The following CSMD1 variants were observed in gnomAD, a reference collection of about 807,000 sequenced individuals.
CSMD1 encodes CUB and Sushi multiple domains 1.
A neutral mutation model predicts 417.5 loss-of-function variants in CSMD1; 213 were observed. The observed-to-expected ratio is 0.51, with a 90% CI of 0.46 to 0.57. The LOEUF is 0.57. CSMD1 is among the 20% of genes least tolerant of loss of function. CSMD1 has a pLI of 0.00. For synonymous variants in CSMD1, 2,862 were observed against 1,736.8 expected, an observed-to-expected ratio of 1.65 and a Z score of -16.11; for missense variants, 6,923 against 4,529.7, an observed-to-expected ratio of 1.53 and a Z score of -15.17.
chr8:3,817,513 T>C (rs1281272675), intron 5 of CSMD1, among the ~76,000 whole-genome samples: 1 of 151,904 alleles, frequency 6.6e-6, no homozygotes, highest in Non-Finnish European at 1.5e-5. Context: ...TCTCCTGACC[T>C]TGTGATCCAC....
chr8:3,917,697 G>C lies in CSMD1; in HGVS notation c.818+80206C>G, dbSNP rs17067982. Reference sequence around the variant, plus strand: ...CACATGTAATGCCATGAACTAGATTGTTTTGGAGATACGTATATATCCAAG... The same window carrying C: ...CACATGTAATGCCATGAACTAGATTCTTTTGGAGATACGTATATATCCAAG... On this transcript the variant is annotated intron_variant, in intron 5 of 69. Coordinates refer to ENST00000635120, the MANE Select transcript of CSMD1 (RefSeq NM_033225.6). 3.9e-3 allele frequency among the ~76,000 whole-genome samples: 599 copies of C among 152,176 alleles called. 5 individuals carry two copies. Among genetic ancestry groups the C allele is most frequent in the African/African-American group, 0.014 (577 of 41,516 alleles).
At position 4,591,448 on chromosome 8, in the gene CSMD1, G is replaced by C. The variant is rs141924232; in HGVS notation, c.302+45894C>G. ...CCAAACAGAAATGAGCAAAGCTGTT[G>C]AGCAAAAGCAAATGAGCAGAGCTAT... On this transcript the variant is annotated intron_variant, in intron 2 of 69. Transcript: ENST00000635120. Among the ~76,000 whole-genome samples, 1,138 of 152,302 alleles carry C rather than the reference G, an allele frequency of 7.5e-3. 14 individuals are homozygous for C. The highest frequency in any genetic ancestry group is 0.026 in the African/African-American group (1,085 of 41,558).
intron 3 of CSMD1, among the ~76,000 whole-genome samples, chr8:4,163,573 G>C (rs948919675): frequency 2.0e-5 from 3 of 152,106 alleles, no homozygotes; most frequent in Non-Finnish European, 2.9e-5. Context: ...ATTAAATCTA[G>C]CTAGATAAAA....
intron 3 of CSMD1, among the ~76,000 whole-genome samples, chr8:4,320,768 T>A (rs1799226922): frequency 6.6e-6 from 1 of 152,182 alleles, no homozygotes; most frequent in African/African-American, 2.4e-5. Flanking sequence ...TGACGGGCAT[T>A]TGGATTGGTG....
intron 23 of CSMD1, among the ~76,000 whole-genome samples, chr8:3,320,756 G>A (rs1223978775): frequency 6.6e-6 from 1 of 152,264 alleles, no homozygotes; most frequent in African/African-American, 2.4e-5. Flanking sequence ...GCTTGCAGGT[G>A]CCAGCCCATC....
At chr8:4,209,997 C>G (rs1031853669) in intron 3 of CSMD1, among the ~76,000 whole-genome samples, 1 of 152,198 alleles carries the variant, frequency 6.6e-6, no homozygotes, top group Non-Finnish European at 1.5e-5. Context: ...AAGGCTGCTT[C>G]TGCCCCAGAT....
Position 3,377,267 on chromosome 8 carries a change from CT to C in CSMD1, c.2783-7898del. 1.3e-5 allele frequency among the ~76,000 whole-genome samples: 2 copies of C among 152,290 alleles called. 1 individual carries two copies. The highest frequency in any genetic ancestry group is 6.8e-3 in the Middle Eastern group (2 of 294). ...GCCTCAGCAATCTATCTACCTCAGCCTCCCAATGTGCTAGGATTACAGGCAT... is the reference window on the plus strand; with the variant it reads ...GCCTCAGCAATCTATCTACCTCAGCCCCCAATGTGCTAGGATTACAGGCAT... On this transcript the variant is annotated intron_variant, in intron 18 of 69. Transcript: ENST00000635120.
At position 3,142,512 on chromosome 8, in the gene CSMD1, T is replaced by A. The variant is rs1248060834; in HGVS notation, c.6194A>T (p.Tyr2065Phe). 1.2e-6 allele frequency: 2 copies of A among 1,613,986 alleles called. No individual in the cohort carries two copies. The highest frequency in any genetic ancestry group is 1.1e-5 in the South Asian group (1 of 91,086). Residue 2065 changes from tyrosine to phenylalanine, a missense_variant, in exon 41 of 70, where the codon TAT becomes TTT. Physicochemically the swap from Tyr to Phe is conservative, Grantham distance 22. Transcript: ENST00000635120. The stretch of plus-strand genomic sequence containing the variant: ...TTGCCGGTTTTGCGAATGGTCACTA[T>A]AAAAGTGGATGAGGGTTTCATGCGT... ...STTHETLIHF[Y>F]SDHSQNRQGF...
chr8:3,420,745 G>C (rs1813437348), intron 12 of CSMD1, among the ~76,000 whole-genome samples: 1 of 152,092 alleles, frequency 6.6e-6, no homozygotes, highest in Non-Finnish European at 1.5e-5. Context: ...TTAGGCATAG[G>C]TTATGGAATA....
intron 5 of CSMD1, among the ~76,000 whole-genome samples, chr8:3,918,995 C>T (rs1176142325): frequency 6.6e-6 from 1 of 151,756 alleles, no homozygotes; most frequent in Non-Finnish European, 1.5e-5. Context: ...ATTCATGTAA[C>T]CAAATACCAC....
intron 51 of CSMD1, among the ~76,000 whole-genome samples, chr8:3,025,224 G>A (rs370871079): frequency 4.7e-5 from 7 of 149,950 alleles, no homozygotes; most frequent in African/African-American, 1.7e-4. Flanking sequence ...GTATTGTGTG[G>A]TGTTATTCTG....
intron 3 of CSMD1, among the ~76,000 whole-genome samples, chr8:4,235,369 T>TC (rs998491201): frequency 2.7e-5 from 4 of 147,982 alleles, no homozygotes; most frequent in African/African-American, 9.8e-5. Flanking sequence ...TGTTTTTTTT[T>TC]TGTTTGTTTG....
At chr8:4,396,249 C>T (rs1280159772) in intron 3 of CSMD1, among the ~76,000 whole-genome samples, 2 of 151,812 alleles carry the variant, frequency 1.3e-5, no homozygotes, top group Non-Finnish European at 2.9e-5. Context: ...ATCGCTTGAG[C>T]CCAGGTGTTT....
rs139840854 is a variant in CSMD1 at position 3,619,523 on chromosome 8, T to C, written c.1010-2726A>G. On this transcript the variant is annotated intron_variant, in intron 7 of 69. Transcript: ENST00000635120. Reference sequence around the variant, plus strand: ...GACAATGAATTTACAACAACAATTATAGATATGAATTTAAATAAAGGAATA... The same window carrying C: ...GACAATGAATTTACAACAACAATTACAGATATGAATTTAAATAAAGGAATA... 4.5e-4 allele frequency among the ~76,000 whole-genome samples: 69 copies of C among 152,166 alleles called. No individual in the cohort carries two copies. In the East Asian group the frequency reaches 0.013, roughly 28 times the overall value.
intron 3 of CSMD1, among the ~76,000 whole-genome samples, chr8:4,173,827 G>A (rs181098813): frequency 1.9e-3 from 293 of 152,242 alleles, no homozygotes; most frequent in Non-Finnish European, 3.4e-3. Context: ...ATCTGATCAG[G>A]CTTCTCAGTT....
At chr8:3,820,509 A>C (rs1231458537) in intron 5 of CSMD1, among the ~76,000 whole-genome samples, 3 of 152,144 alleles carry the variant, frequency 2.0e-5, no homozygotes, top group Non-Finnish European at 4.4e-5. Flanking sequence ...AGCACACGTG[A>C]AGCTGACATC....
At chr8:3,390,682 A>G (rs1811297617) in intron 17 of CSMD1, among the ~76,000 whole-genome samples, 1 of 152,132 alleles carries the variant, frequency 6.6e-6, no homozygotes, top group Admixed American at 6.5e-5. Context: ...TGGTCTTTGC[A>G]AAATAAGTGA....
At chr8:4,168,386 C>A (rs1217317112) in intron 3 of CSMD1, among the ~76,000 whole-genome samples, 1 of 151,566 alleles carries the variant, frequency 6.6e-6, no homozygotes, top group Admixed American at 6.6e-5. Context: ...CAGAGTGAGA[C>A]CCTTACTCTC....
chr8:3,521,155 A>G (rs2117450447), intron 10 of CSMD1, among the ~76,000 whole-genome samples: 1 of 152,198 alleles, frequency 6.6e-6, no homozygotes, highest in African/African-American at 2.4e-5. Flanking sequence ...CTGAAAATGA[A>G]TGTATTTATT....
Sources: gnomAD v4.1 joint callset for allele counts (sites outside exome capture counted in the v4.1 genomes callset) on GRCh38, gnomAD v4.1.1 for gene constraint, MANE v1.5 for transcripts, NCBI Gene and HGNC (gene_info 2026-07-23, HGNC 2026-07-21) for gene names.